MRM1: variants seen among roughly 807,000 people sequenced by gnomAD.
MRM1 encodes rRNA methyltransferase 1, mitochondrial.
Under a neutral mutation model 25.0 loss-of-function variants are expected in MRM1, and 24 were observed. That is an observed-to-expected ratio of 0.96 (90% CI 0.69 to 1.35). The LOEUF (loss-of-function observed/expected upper bound fraction) is 1.35, where lower values mean the gene tolerates loss of function less well. MRM1 is among the 40% of genes most tolerant of loss of function. The pLI, the probability that MRM1 is intolerant of heterozygous loss-of-function variation, is 0.00. For synonymous variants in MRM1, 188 were observed against 199.2 expected (o/e 0.94, Z 0.47); for missense variants, 431 against 464.1 (o/e 0.93, Z 0.65).
At chr17:36,607,861 A>G in intron 3 of MRM1, 38 bp from the exon 4 acceptor site, 1 of 1,611,560 alleles carries the variant, frequency 6.2e-7, no homozygotes, top group Non-Finnish European at 8.5e-7. Flanking sequence ...CTGGGTGTCC[A>G]GCTGGGCAAC....
the MRM1 span, among the ~76,000 whole-genome samples, chr17:36,621,058 G>A: frequency 2.6e-5 from 4 of 152,242 alleles, no homozygotes; most frequent in East Asian, 7.7e-4. Flanking sequence ...GGGAGCAAGG[G>A]GTTGTCACCT....
chr17:36,611,327 T>G (rs11263774), downstream of MRM1, among the ~76,000 whole-genome samples: 62,343 of 152,078 alleles, frequency 0.41, 14,155 homozygotes, highest in African/African-American at 0.6. Flanking sequence ...GCTTTCCACT[T>G]AGATGGCTTC....
chr17:36,621,163 A>G, the MRM1 span, among the ~76,000 whole-genome samples: 1 of 151,854 alleles, frequency 6.6e-6, no homozygotes, highest in African/African-American at 2.4e-5. Context: ...GCTCCTTACA[A>G]TTTTCCTTTT....
intron 2 of MRM1, among the ~76,000 whole-genome samples, chr17:36,607,454 C>CA (rs35964238): frequency 0.4 from 58,428 of 146,502 alleles, 12,435 homozygotes; most frequent in African/African-American, 0.56. Flanking sequence ...AACCTCATCT[C>CA]AAAAAAAAAA....
chr17:36,602,921 C>G lies in MRM1; in HGVS notation c.636+275C>G, dbSNP rs1052288879. ...GTAAGTCAGCCTCAGTGTCTATTTG[C>G]CTACTAGGTCGGGCTTCAGTAAATG... On this transcript the variant is annotated intron_variant, in intron 2 of 4. Transcript: ENST00000614766. This position sits in a 1 kb window ranked among gnomAD's most constrained non-coding sequence, Gnocchi z 4.1. 3.0e-6 allele frequency: 3 copies of G among 985,176 alleles called. No homozygotes were observed. Among genetic ancestry groups the G allele is most frequent in the Non-Finnish European group, 3.6e-6 (3 of 829,828 alleles). The allele number at this position is 985,176 out of a possible 1,614,324, so 61.0% of individuals were successfully genotyped here. A position where few individuals can be genotyped will look rare whatever the true frequency, so the allele number is the denominator to read the frequency against.
rs4796229 is a variant in MRM1 at position 36,608,541 on chromosome 17, G to C, written c.*126G>C. The stretch of plus-strand genomic sequence containing the variant: ...GCCCATGTTTATTGACCACAGTCTG[G>C]GGGGGGGGGAAGGGGACTGCGGTGG... On this transcript the variant is annotated 3_prime_UTR_variant, in exon 5 of 5. Coordinates refer to ENST00000614766, the MANE Select transcript of MRM1 (RefSeq NM_024864.5). 7 of 409,750 alleles carry C rather than the reference G, an allele frequency of 1.7e-5. No homozygotes were observed. Among genetic ancestry groups the C allele is most frequent in the East Asian group, 4.6e-5 (1 of 21,510 alleles). The allele number at this position is 409,750 out of a possible 1,614,324, so 25.4% of individuals were successfully genotyped here. A position where few individuals can be genotyped will look rare whatever the true frequency, so the allele number is the denominator to read the frequency against.
chr17:36,628,738 TG>T, the MRM1 span, among the ~76,000 whole-genome samples: 3 of 152,150 alleles, frequency 2.0e-5, no homozygotes, highest in African/African-American at 7.2e-5. Flanking sequence ...GCTTCAAACT[TG>T]TTATTTCACA....
chr17:36,602,908 CAG>C lies in MRM1; in HGVS notation c.636+263_636+264del, dbSNP rs1317242134. 9 of 984,302 alleles carry C rather than the reference CAG, an allele frequency of 9.1e-6. No individual in the cohort carries two copies. In the African/African-American group the frequency reaches 1.0e-4, roughly 11 times the overall value. The allele number at this position is 984,302 out of a possible 1,614,324, so 61.0% of individuals were successfully genotyped here. On this transcript the variant is annotated intron_variant, in intron 2 of 4. Transcript: ENST00000614766. This position sits in a 1 kb window ranked among gnomAD's most constrained non-coding sequence, Gnocchi z 4.1. ...CTTTGCCTCTTCTGTAAGTCAGCCTCAGTGTCTATTTGCCTACTAGGTCGGGC... is the reference window on the plus strand; with the variant it reads ...CTTTGCCTCTTCTGTAAGTCAGCCTCTGTCTATTTGCCTACTAGGTCGGGC...
intron 2 of MRM1, among the ~76,000 whole-genome samples, chr17:36,604,648 T>C (rs2074911641): frequency 6.6e-6 from 1 of 151,268 alleles, no homozygotes; most frequent in Admixed American, 6.6e-5. Flanking sequence ...CTACTAAAAA[T>C]ACAAAAAATT....
Position 36,603,241 on chromosome 17 carries a change from T to A in MRM1, c.636+595T>A, listed in dbSNP as rs906697470. On this transcript the variant is annotated intron_variant, in intron 2 of 4. Coordinates refer to ENST00000614766, the MANE Select transcript of MRM1 (RefSeq NM_024864.5). ...AGAAGGGGGAGAGCTCTGGGACCTG[T>A]CTAGAACAACGCTGTCCAATAAAAA... The A allele has an allele frequency of 6.1e-6, 6 of 983,988 alleles. No individual in the cohort carries two copies. The African/African-American group carries it at 1.1e-4, about 17-fold the overall frequency. The allele number at this position is 983,988 out of a possible 1,614,324, so 61.0% of individuals were successfully genotyped here.
rs1026334136 is a variant in MRM1, at chr17:36,608,505, G to C, written c.*90G>C. 3 of 899,318 alleles carry C rather than the reference G, an allele frequency of 3.3e-6. No homozygotes were observed. The highest frequency in any genetic ancestry group is 3.1e-6 in the Non-Finnish European group (2 of 641,618). The allele number at this position is 899,318 out of a possible 1,614,324, so 55.7% of individuals were successfully genotyped here. A position where few individuals can be genotyped will look rare whatever the true frequency, so the allele number is the denominator to read the frequency against. Reference sequence around the variant, plus strand: ...CAGTGTGCGGGGAGCCTCTGCCTGAGTGTGCACCAGGCCCATGTTTATTGA... The same window carrying C: ...CAGTGTGCGGGGAGCCTCTGCCTGACTGTGCACCAGGCCCATGTTTATTGA... On this transcript the variant is annotated 3_prime_UTR_variant, in exon 5 of 5. Transcript: ENST00000614766.
At chr17:36,621,137 C>T in the MRM1 span, among the ~76,000 whole-genome samples, 1 of 152,156 alleles carries the variant, frequency 6.6e-6, no homozygotes, top group Non-Finnish European at 1.5e-5. Context: ...CAGTTAACTG[C>T]ACTGATCAGA....
chr17:36,602,749 A>C lies in MRM1; in HGVS notation c.636+103A>C. On this transcript the variant is annotated intron_variant, in intron 2 of 4. Coordinates refer to ENST00000614766, the MANE Select transcript of MRM1 (RefSeq NM_024864.5). This position sits in a 1 kb window ranked among gnomAD's most constrained non-coding sequence, Gnocchi z 4.1. ...GAGGGAGAGAAAGGGGCATGTTGGC[A>C]CCGCTTCCTTTGGCCTTCTAAATCC... 2 of 1,422,748 alleles carry C rather than the reference A, an allele frequency of 1.4e-6. No individual in the cohort carries two copies. Among genetic ancestry groups the C allele is most frequent in the Non-Finnish European group, 2.0e-6 (2 of 1,022,624 alleles). The allele number at this position is 1,422,748 out of a possible 1,614,324, so 88.1% of individuals were successfully genotyped here.
At chr17:36,633,577 G>A in the MRM1 span, among the ~76,000 whole-genome samples, 2 of 151,294 alleles carry the variant, frequency 1.3e-5, no homozygotes, top group African/African-American at 2.4e-5. Flanking sequence ...GAGGAGAAGA[G>A]GAGGAGGAAG....
chr17:36,609,413 C>T (rs981414392), downstream of MRM1, among the ~76,000 whole-genome samples: 30 of 152,212 alleles, frequency 2.0e-4, no homozygotes, highest in African/African-American at 7.2e-4. Flanking sequence ...GCAGCCAAGG[C>T]TGAGAATCAC....
At chr17:36,611,257 G>A (rs2074975332), downstream of MRM1, among the ~76,000 whole-genome samples, 1 of 152,154 alleles carries the variant, frequency 6.6e-6, no homozygotes, top group Non-Finnish European at 1.5e-5. Context: ...TTTAGGTGAG[G>A]GTGAGCTTTC....
Position 36,602,639 on chromosome 17 carries a change from T to A in MRM1, c.629T>A (p.Phe210Tyr), listed in dbSNP as rs1051745500. The A allele has an allele frequency of 1.2e-6, 2 of 1,613,992 alleles. No homozygotes were observed. Among genetic ancestry groups the A allele is most frequent in the African/African-American group, 1.3e-5 (1 of 74,902 alleles). The change falls in exon 2 of 5, where the codon TTT (phenylalanine) becomes TAT (tyrosine). Residue 210 changes from phenylalanine (F) to tyrosine (Y), a missense_variant. Transcript: ENST00000614766. The surrounding 1 kb of genome is among the most constrained non-coding windows in gnomAD (Gnocchi z 4.1). ...TTCTCCACTGATGACCTCACCGGAT[T>A]TTTACAGGTAATGAGGGGCAAGAGG... ...DVFSTDDLTGFLQTKAQQGWL... is the reference protein window; with the variant it reads ...DVFSTDDLTGYLQTKAQQGWL...
rs111861323 is a variant in MRM1 at position 36,608,293 on chromosome 17, G to C, written c.940G>C (p.Gly314Arg). 206 of 1,605,740 alleles carry C rather than the reference G, an allele frequency of 1.3e-4. 1 individual carries two copies. In the East Asian group the frequency reaches 4.5e-3, roughly 35 times the overall value. The stretch of plus-strand genomic sequence containing the variant: ...CCAGAGGAAGGGTTTCCCCACAGAG[G>C]GGGAGAGAAGGCAGCTTCTCCAAGA... Reference protein sequence around the residue: ...CSQRKGFPTEGERRQLLQDPQ... With the variant: ...CSQRKGFPTERERRQLLQDPQ... The change falls in exon 5 of 5, where the codon GGG becomes CGG. Residue 314 changes from glycine to arginine, a missense_variant. Coordinates refer to ENST00000614766, the MANE Select transcript of MRM1 (RefSeq NM_024864.5).
Position 36,608,265 on chromosome 17 carries a change from C to A in MRM1, c.912C>A (p.Cys304Ter). Reference protein sequence around the residue: ...VAAGILLHSICSQRKGFPTEG... With the variant: ...VAAGILLHSI Reference sequence around the variant, plus strand: ...CAGGAATTCTTCTTCACTCCATTTGCAGCCAGAGGAAGGGTTTCCCCACAG... The same window carrying A: ...CAGGAATTCTTCTTCACTCCATTTGAAGCCAGAGGAAGGGTTTCCCCACAG... The change falls in exon 5 of 5, where the codon TGC (cysteine) becomes TGA (stop). Residue 304 changes from cysteine (C) to a stop codon, truncating the protein, a stop_gained. Transcript: ENST00000614766. LOFTEE classifies it low-confidence loss of function (END_TRUNC). The A allele has an allele frequency of 6.3e-7, 1 of 1,578,178 alleles. No homozygotes were observed. The highest frequency in any genetic ancestry group is 1.2e-5 in the South Asian group (1 of 85,544).
Sources: allele counts gnomAD v4.1 joint callset (sites outside exome capture counted in the v4.1 genomes callset), GRCh38; gene constraint gnomAD v4.1.1; non-coding constraint Gnocchi (gnomAD v3.1); transcripts MANE v1.5; gene names NCBI Gene and HGNC (gene_info 2026-07-23, HGNC 2026-07-21).